LAMA2: variants seen among roughly 807,000 people sequenced by gnomAD.
LAMA2 encodes laminin subunit alpha-2.
Under a neutral mutation model 364.8 loss-of-function variants are expected in LAMA2, and 269 were observed. The observed-to-expected ratio is 0.74, with a 90% CI of 0.67 to 0.82. The LOEUF (loss-of-function observed/expected upper bound fraction) is 0.82. Among genes scored for constraint, LAMA2 ranks in the 40% least tolerant of loss-of-function variants. The pLI, the probability that LAMA2 is intolerant of heterozygous loss-of-function variation, is 0.00. For synonymous variants in LAMA2, 1,379 were observed against 1,370.6 expected (o/e 1.01, Z -0.14); for missense variants, 3,807 against 3,873.2 (o/e 0.98, Z 0.45).
intron 12 of LAMA2, among the ~76,000 whole-genome samples, chr6:129,199,073 C>A (rs560477481): frequency 6.6e-6 from 1 of 152,220 alleles, no homozygotes; most frequent in Non-Finnish European, 1.5e-5. Flanking sequence ...TACCCAAAGT[C>A]ACTCATGAAC....
intron 4 of LAMA2, among the ~76,000 whole-genome samples, chr6:129,117,224 A>T (rs1325653261): frequency 6.6e-6 from 1 of 152,192 alleles, no homozygotes; most frequent in Admixed American, 6.5e-5. Flanking sequence ...TTATGTAAGG[A>T]TGTCAGATAG....
At chr6:129,088,763 G>A (rs561927090) in intron 3 of LAMA2, among the ~76,000 whole-genome samples, 9 of 152,172 alleles carry the variant, frequency 5.9e-5, no homozygotes, top group South Asian at 4.1e-4. Context: ...CGCAGCGGCC[G>A]GGCAGAGACG....
chr6:129,478,187 AT>A (rs1327815776), intron 53 of LAMA2, among the ~76,000 whole-genome samples: 1 of 152,192 alleles, frequency 6.6e-6, no homozygotes, highest in Non-Finnish European at 1.5e-5. Context: ...TTAAAGAGAT[AT>A]GTAATATTAT....
intron 12 of LAMA2, among the ~76,000 whole-genome samples, chr6:129,233,024 A>T (rs140258102): frequency 9.5e-4 from 145 of 152,278 alleles, no homozygotes; most frequent in Middle Eastern, 3.4e-3. Context: ...CACAACCACA[A>T]GAAATGAATT....
chr6:129,096,485 G>C (rs769954741), intron 3 of LAMA2, among the ~76,000 whole-genome samples: 2 of 152,072 alleles, frequency 1.3e-5, no homozygotes, highest in African/African-American at 4.8e-5. Flanking sequence ...GCAGTTACAG[G>C]CACATACATA....
At chr6:128,994,970 C>T (rs561625786) in intron 1 of LAMA2, among the ~76,000 whole-genome samples, 202 of 152,194 alleles carry the variant, frequency 1.3e-3, no homozygotes, top group African/African-American at 4.7e-3. Flanking sequence ...TCTTCAGTGA[C>T]ACATTTAATT....
intron 1 of LAMA2, among the ~76,000 whole-genome samples, chr6:128,928,248 G>A (rs1362732705): frequency 1.3e-5 from 2 of 152,178 alleles, no homozygotes; most frequent in Non-Finnish European, 2.9e-5. Context: ...TTAATGTCCT[G>A]TGATTTTAGG....
intron 46 of LAMA2, 56 bp from the exon 47 acceptor site, chr6:129,454,099 C>A: frequency 6.6e-7 from 1 of 1,510,688 alleles, no homozygotes; most frequent in Non-Finnish European, 9.2e-7. Context: ...TGCTGGTCTC[C>A]TCTTTAAAGG....
rs1333514767 is a variant in LAMA2 at position 128,961,343 on chromosome 6, ATATATATATATATATATATATATATT to A, written c.112+77987_112+78012del. Among the ~76,000 whole-genome samples, 211 of 63,072 alleles carry A rather than the reference ATATATATATATATATATATATATATT, an allele frequency of 3.3e-3. 6 individuals are homozygous for A. Among genetic ancestry groups the A allele is most frequent in the African/African-American group, 0.011 (200 of 17,664 alleles). The allele number at this position is 63,072 out of a possible 152,430, so 41.4% of individuals were successfully genotyped here. ...GATATATATATATATATATATATAT[ATATATATATATATATATATATATATT>A]AGTTTATTAAGTATTAACTTATACG... On this transcript the variant is annotated intron_variant, in intron 1 of 64. Coordinates refer to ENST00000421865, the MANE Select transcript of LAMA2 (RefSeq NM_000426.4).
chr6:129,242,284 A>G (rs1785442663), intron 12 of LAMA2, among the ~76,000 whole-genome samples: 1 of 152,180 alleles, frequency 6.6e-6, no homozygotes, highest in Non-Finnish European at 1.5e-5. Flanking sequence ...GGTTAACTAC[A>G]ATTCTCATTT....
At chr6:129,289,657 A>C (rs547081099) in intron 19 of LAMA2, among the ~76,000 whole-genome samples, 1 of 152,112 alleles carries the variant, frequency 6.6e-6, no homozygotes, top group African/African-American at 2.4e-5. Flanking sequence ...GTAATTAATT[A>C]TTATTTTATT....
At chr6:129,261,217 C>A (rs1203381979) in intron 15 of LAMA2, among the ~76,000 whole-genome samples, 2 of 151,832 alleles carry the variant, frequency 1.3e-5, no homozygotes, top group Admixed American at 1.3e-4. Flanking sequence ...TTCTGTATCA[C>A]ACTTTTCCTC....
At chr6:129,405,684 A>G (rs559129105) in intron 40 of LAMA2, among the ~76,000 whole-genome samples, 7 of 152,308 alleles carry the variant, frequency 4.6e-5, no homozygotes, top group Admixed American at 3.9e-4. Flanking sequence ...AATGTTTTTC[A>G]TGAACAGAAT....
At chr6:129,406,491 A>T (rs1455424439) in intron 40 of LAMA2, among the ~76,000 whole-genome samples, 1 of 152,210 alleles carries the variant, frequency 6.6e-6, no homozygotes, top group African/African-American at 2.4e-5. Context: ...CACCAAGAAA[A>T]TATCTCATTT....
intron 19 of LAMA2, among the ~76,000 whole-genome samples, chr6:129,291,249 T>G (rs1412715112): frequency 2.0e-5 from 3 of 152,204 alleles, no homozygotes; most frequent in Non-Finnish European, 4.4e-5. Context: ...AACTCCAAGT[T>G]CCTGTCACGT....
At chr6:129,214,503 T>C (rs561489235) in intron 12 of LAMA2, among the ~76,000 whole-genome samples, 1 of 152,324 alleles carries the variant, frequency 6.6e-6, no homozygotes, top group South Asian at 2.1e-4. Context: ...ACAAATGATG[T>C]CCAGTTTTTC....
rs374334980 is a variant in LAMA2 at position 129,417,228 on chromosome 6, G to GGGTTA, written c.5866-10522_5866-10518dup. ...AGAATGAGGTTTGCAGACAACTGGA[G>GGGTTA]GGTTAGCAAGGTGAAGAGGTGCTTT... On this transcript the variant is annotated intron_variant, in intron 40 of 64. Transcript: ENST00000421865. 2.5e-4 allele frequency among the ~76,000 whole-genome samples: 38 copies of GGGTTA among 152,262 alleles called. No homozygotes were observed. In the East Asian group the frequency reaches 6.4e-3, roughly 26 times the overall value.
intron 3 of LAMA2, among the ~76,000 whole-genome samples, chr6:129,071,541 C>A (rs1582987822): frequency 6.6e-6 from 1 of 152,054 alleles, no homozygotes; most frequent in South Asian, 2.1e-4. Context: ...TTTATTAACG[C>A]CTACAATTTG....
intron 1 of LAMA2, among the ~76,000 whole-genome samples, chr6:128,924,811 C>T (rs1582691496): frequency 6.6e-6 from 1 of 152,146 alleles, no homozygotes; most frequent in South Asian, 2.1e-4. Context: ...TACACAATTA[C>T]GTCTTCTTTT....
Sources: allele counts gnomAD v4.1 joint callset (sites outside exome capture counted in the v4.1 genomes callset), GRCh38; gene constraint gnomAD v4.1.1; transcripts MANE v1.5; gene names NCBI Gene and HGNC (gene_info 2026-07-23, HGNC 2026-07-21).